Variants in PTPRM observed in about 807,000 individuals in gnomAD.
The protein encoded by PTPRM is receptor-type tyrosine-protein phosphatase mu.
PTPRM carries 47 observed loss-of-function variants against 186.7 expected under a neutral mutation model. The observed-to-expected ratio is 0.25, with a 90% CI of 0.20 to 0.32. The LOEUF (loss-of-function observed/expected upper bound fraction) is 0.32. PTPRM is among the 10% of genes least tolerant of loss of function. The pLI is 1.00. For synonymous variants in PTPRM, 668 were observed against 674.9 expected (o/e 0.99, Z 0.16); for missense variants, 1,494 against 1,865.0 (o/e 0.80, Z 3.66).
intron 2 of PTPRM, among the ~76,000 whole-genome samples, chr18:7,870,116 A>G (rs1377803229): frequency 2.6e-5 from 4 of 152,206 alleles, no homozygotes; most frequent in Non-Finnish European, 4.4e-5. Flanking sequence ...GCACTATGGT[A>G]TCAGGAAATT....
intron 13 of PTPRM, among the ~76,000 whole-genome samples, chr18:8,120,286 A>G (rs1479283244): frequency 1.3e-5 from 2 of 152,162 alleles, no homozygotes; most frequent in African/African-American, 4.8e-5. Flanking sequence ...AAAGCAGAAC[A>G]TAGAGATCAT....
intron 19 of PTPRM, among the ~76,000 whole-genome samples, chr18:8,282,183 G>A (rs1026481720): frequency 6.6e-5 from 10 of 152,102 alleles, no homozygotes; most frequent in South Asian, 2.1e-4. Flanking sequence ...AAGTCAACAC[G>A]ACCAGATGAT....
intron 1 of PTPRM, among the ~76,000 whole-genome samples, chr18:7,722,369 GTT>G (rs1179813278): frequency 1.3e-5 from 2 of 152,086 alleles, no homozygotes; most frequent in Non-Finnish European, 2.9e-5. Context: ...CTTTTAATAA[GTT>G]GTGTTGGAAC....
intron 23 of PTPRM, among the ~76,000 whole-genome samples, chr18:8,368,423 A>G (rs897953410): frequency 3.9e-5 from 6 of 152,142 alleles, no homozygotes; most frequent in Admixed American, 2.6e-4. Context: ...ATTATAGATA[A>G]GCCCTTTATA....
At chr18:8,280,419 G>GA (rs2094890091) in intron 19 of PTPRM, among the ~76,000 whole-genome samples, 1 of 126,682 alleles carries the variant, frequency 7.9e-6, no homozygotes, top group East Asian at 2.8e-4. Context: ...GTGGGGGGGG[G>GA]GTCACAATTC....
At chr18:7,908,730 C>G (rs536556498) in intron 4 of PTPRM, among the ~76,000 whole-genome samples, 1 of 152,178 alleles carries the variant, frequency 6.6e-6, no homozygotes, top group African/African-American at 2.4e-5. Context: ...CCTGTCCCCT[C>G]CCATTTCATG....
chr18:7,656,320 A>G (rs2038847147), intron 1 of PTPRM, among the ~76,000 whole-genome samples: 1 of 152,210 alleles, frequency 6.6e-6, no homozygotes, highest in Non-Finnish European at 1.5e-5. Context: ...CTGATCACAG[A>G]AAGACAAATT....
At chr18:8,397,792 A>G (rs897560416) in intron 32 of PTPRM, among the ~76,000 whole-genome samples, 1 of 152,192 alleles carries the variant, frequency 6.6e-6, no homozygotes, top group Non-Finnish European at 1.5e-5. Flanking sequence ...GCCTTCCTTA[A>G]TGGCTTTTGA....
intron 1 of PTPRM, among the ~76,000 whole-genome samples, chr18:7,581,418 C>T (rs998358689): frequency 5.3e-5 from 8 of 152,110 alleles, no homozygotes; most frequent in African/African-American, 9.7e-5. Context: ...AGTACCTGGA[C>T]GAAAAGCAGC....
At chr18:8,332,787 C>T (rs2095418998) in intron 22 of PTPRM, among the ~76,000 whole-genome samples, 1 of 152,198 alleles carries the variant, frequency 6.6e-6, no homozygotes, top group Non-Finnish European at 1.5e-5. Flanking sequence ...CATTGTGTGG[C>T]ATCACTGTAA....
intron 2 of PTPRM, among the ~76,000 whole-genome samples, chr18:7,828,941 C>A (rs966921846): frequency 6.6e-6 from 1 of 152,126 alleles, no homozygotes; most frequent in Non-Finnish European, 1.5e-5. Context: ...TCCTTTTCTT[C>A]TCTCTCTCTT....
intron 14 of PTPRM, among the ~76,000 whole-genome samples, chr18:8,149,348 A>G (rs1219366369): frequency 2.0e-5 from 3 of 152,166 alleles, no homozygotes; most frequent in South Asian, 2.1e-4. Context: ...TGTTGGGGGC[A>G]TATATATTTA....
chr18:8,390,638 A>G (rs1043379615), intron 31 of PTPRM, among the ~76,000 whole-genome samples: 2 of 152,208 alleles, frequency 1.3e-5, no homozygotes, highest in African/African-American at 2.4e-5. Context: ...TGAAGACAAA[A>G]GATGTCCCAG....
At chr18:8,004,446 C>T (rs2084056344) in intron 7 of PTPRM, among the ~76,000 whole-genome samples, 1 of 151,394 alleles carries the variant, frequency 6.6e-6, no homozygotes, top group Non-Finnish European at 1.5e-5. Context: ...GGCTGTTTGC[C>T]TGCCTATCTA....
At chr18:8,358,134 C>T (rs1051432514) in intron 23 of PTPRM, among the ~76,000 whole-genome samples, 3 of 150,336 alleles carry the variant, frequency 2.0e-5, no homozygotes, top group Admixed American at 2.0e-4. Flanking sequence ...TAGCTATTCC[C>T]CCCCCCACAC....
At chr18:8,113,350 A>G in intron 11 of PTPRM, 136 bp from the exon 12 acceptor site, 1 of 741,572 alleles carries the variant, frequency 1.3e-6, no homozygotes, top group Non-Finnish European at 2.2e-6. Flanking sequence ...AGAGTCTGTT[A>G]TATATCAAGC....
intron 1 of PTPRM, among the ~76,000 whole-genome samples, chr18:7,688,529 G>C (rs1466313497): frequency 6.6e-6 from 1 of 152,188 alleles, no homozygotes; most frequent in African/African-American, 2.4e-5. Context: ...GTCGAGGACA[G>C]GTTAGGTGTT....
intron 7 of PTPRM, among the ~76,000 whole-genome samples, chr18:7,986,799 A>G (rs976779171): frequency 1.4e-4 from 22 of 152,174 alleles, no homozygotes; most frequent in Admixed American, 9.8e-4. Flanking sequence ...CCCCAGTATT[A>G]TAGATTGTGA....
intron 1 of PTPRM, among the ~76,000 whole-genome samples, chr18:7,620,253 T>C (rs940119569): frequency 6.6e-6 from 1 of 152,180 alleles, no homozygotes; most frequent in Non-Finnish European, 1.5e-5. Context: ...TTTCTTGTTG[T>C]CTGTTTCCCA....
Sources: gnomAD v4.1 joint callset for allele counts (sites outside exome capture counted in the v4.1 genomes callset) on GRCh38, gnomAD v4.1.1 for gene constraint, MANE v1.5 for transcripts, NCBI Gene and HGNC (gene_info 2026-07-23, HGNC 2026-07-21) for gene names.